Variants in PRSS23 observed in about 807,000 individuals in gnomAD.
The protein encoded by PRSS23 is serine protease 23.
PRSS23 carries 25 observed loss-of-function variants against 34.7 expected under a neutral mutation model. The ratio of observed to expected loss-of-function variants is 0.72; its 90% CI spans 0.53 to 1.01. The LOEUF is 1.01. Ranked by LOEUF, PRSS23 falls within the 50% of genes least tolerant of loss-of-function variation. PRSS23 has a pLI of 0.00. For synonymous variants in PRSS23, 176 were observed against 186.6 expected (o/e 0.94, Z 0.46); for missense variants, 445 against 475.6 (o/e 0.94, Z 0.60).
rs150675137 is a variant in PRSS23, at chr11:86,882,531, C to T, written c.206+58938C>T. 8.5e-5 allele frequency among the ~76,000 whole-genome samples: 13 copies of T among 152,226 alleles called. No homozygotes were observed. In the East Asian group the frequency reaches 2.5e-3, roughly 29 times the overall value. On this transcript the variant is annotated intron_variant, in intron 2 of 2. Coordinates refer to the PRSS23 transcript ENST00000533902. ...GCTCCATCCATGTCCCTACGAAGGGCATGATCTCGTTTTTTTAATGCCTGC... is the reference window on the plus strand; with the variant it reads ...GCTCCATCCATGTCCCTACGAAGGGTATGATCTCGTTTTTTTAATGCCTGC...
chr11:86,812,245 G>A (rs570245463), downstream of PRSS23, among the ~76,000 whole-genome samples: 2 of 152,166 alleles, frequency 1.3e-5, no homozygotes, highest in Admixed American at 6.5e-5. Flanking sequence ...AGGAACAAAG[G>A]TGGGGCTGCA....
chr11:86,945,852 T>C (rs1949238191), intron 2 of PRSS23: 1 of 152,532 alleles, frequency 6.6e-6, no homozygotes, highest in Non-Finnish European at 1.5e-5. Flanking sequence ...AGGGCATGTG[T>C]AGCAGGAAGT....
In PRSS23 at chr11:86,861,577, G is replaced by A. The variant is rs545402390; in HGVS notation, c.206+37984G>A. Among the ~76,000 whole-genome samples the A allele has an allele frequency of 4.2e-4, 63 of 151,744 alleles. 1 individual carries two copies. Among genetic ancestry groups the A allele is most frequent in the African/African-American group, 1.1e-3 (46 of 41,328 alleles). On this transcript the variant is annotated intron_variant, in intron 2 of 2. Transcript: ENST00000533902. ...ATATTACTCCCCATTTGCAGGGGGC[G>A]GACACCCTTCTGTGATATTGTTCGT... is the stretch of plus-strand genomic sequence containing the variant.
intron 2 of PRSS23, among the ~76,000 whole-genome samples, chr11:86,878,119 TC>T (rs1948737361): frequency 6.6e-6 from 1 of 152,174 alleles, no homozygotes; most frequent in Non-Finnish European, 1.5e-5. Context: ...TATTACTGCA[TC>T]CAAAACTAAA....
At chr11:86,792,451 A>G (rs183621240) in intron 1 of PRSS23, among the ~76,000 whole-genome samples, 13 of 151,868 alleles carry the variant, frequency 8.6e-5, no homozygotes, top group Admixed American at 7.9e-4. Flanking sequence ...TGTTCCCTCT[A>G]CCCTGTCTTC....
At chr11:86,891,277 T>C (rs1373495202) in intron 2 of PRSS23, among the ~76,000 whole-genome samples, 2 of 152,194 alleles carry the variant, frequency 1.3e-5, no homozygotes, top group Admixed American at 1.3e-4. Flanking sequence ...CCTAATAAGA[T>C]GGAGAGAAGC....
chr11:86,816,414 C>T (rs1054892800), intron 1 of PRSS23, among the ~76,000 whole-genome samples: 1 of 152,184 alleles, frequency 6.6e-6, no homozygotes, highest in Non-Finnish European at 1.5e-5. Flanking sequence ...CTACCCTCTC[C>T]ACAAAATATC....
intron 1 of PRSS23, among the ~76,000 whole-genome samples, chr11:86,792,963 C>T (rs1236101094): frequency 6.6e-6 from 1 of 152,228 alleles, no homozygotes; most frequent in African/African-American, 2.4e-5. Flanking sequence ...ACCTTGACCT[C>T]CCAGGCTCAA....
chr11:86,802,511 A>C (rs781435861), intron 1 of PRSS23, among the ~76,000 whole-genome samples: 1 of 152,334 alleles, frequency 6.6e-6, no homozygotes, highest in East Asian at 1.9e-4. Flanking sequence ...AGGATTTAGC[A>C]TGATTTCACC....
intron 2 of PRSS23, among the ~76,000 whole-genome samples, chr11:86,838,536 G>C (rs1162854964): frequency 6.6e-6 from 1 of 152,174 alleles, no homozygotes. Flanking sequence ...TTCACTTCTG[G>C]GGGCAGGGCA....
At chr11:86,824,977 T>G (rs1436953168) in intron 2 of PRSS23, among the ~76,000 whole-genome samples, 1 of 152,206 alleles carries the variant, frequency 6.6e-6, no homozygotes, top group Non-Finnish European at 1.5e-5. Context: ...TGATTTATAG[T>G]CCTTTGGGTA....
In PRSS23 at chr11:86,802,136, G is replaced by A. The variant is rs559551278; in HGVS notation, c.-14+1485G>A. Among the ~76,000 whole-genome samples the A allele has an allele frequency of 1.4e-3, 211 of 152,270 alleles. 3 individuals carry two copies. Among genetic ancestry groups the A allele is most frequent in the Non-Finnish European group, 1.7e-3 (114 of 68,026 alleles). ...GTAACTCTTCTCATAGATCCCTTAG[G>A]ATTTCATCCACCAGGCATTATTCAT... On this transcript the variant is annotated intron_variant, in intron 1 of 1. Transcript: ENST00000280258.
At chr11:86,925,303 T>C (rs1379642336) in intron 2 of PRSS23, among the ~76,000 whole-genome samples, 1 of 151,234 alleles carries the variant, frequency 6.6e-6, no homozygotes, top group Non-Finnish European at 1.5e-5. Context: ...GGAGTGTGTG[T>C]GTGTGTGTGT....
At chr11:86,912,948 G>A (rs1948987212) in intron 2 of PRSS23, among the ~76,000 whole-genome samples, 1 of 152,236 alleles carries the variant, frequency 6.6e-6, no homozygotes, top group African/African-American at 2.4e-5. Context: ...TAATTAACAT[G>A]GCTAAATTCA....
rs149738505 is a variant in PRSS23 at position 86,891,844 on chromosome 11, C to T, written c.207-59372C>T. On this transcript the variant is annotated intron_variant, in intron 2 of 2. Transcript: ENST00000533902. Reference sequence around the variant, plus strand: ...TCTAAGTGTTTGGTAGTTCCTCCTGCGTTCATTCTCCTTCCTGCTGCCTTG... The same window carrying T: ...TCTAAGTGTTTGGTAGTTCCTCCTGTGTTCATTCTCCTTCCTGCTGCCTTG... Among the ~76,000 whole-genome samples, 285 of 152,242 alleles carry T rather than the reference C, an allele frequency of 1.9e-3. 2 individuals carry two copies. Among genetic ancestry groups the T allele is most frequent in the African/African-American group, 6.3e-3 (261 of 41,528 alleles).
chr11:86,818,255 A>G (rs1948227509), intron 1 of PRSS23, among the ~76,000 whole-genome samples: 1 of 152,236 alleles, frequency 6.6e-6, no homozygotes, highest in Non-Finnish European at 1.5e-5. Flanking sequence ...ATTCATTTAT[A>G]CATGCTAACC....
intron 2 of PRSS23, among the ~76,000 whole-genome samples, chr11:86,917,635 A>C (rs1402888237): frequency 6.6e-6 from 1 of 152,176 alleles, no homozygotes; most frequent in East Asian, 1.9e-4. Context: ...CTAATGCTTA[A>C]AATCGGACTA....
At chr11:86,839,956 A>G (rs988737190) in intron 2 of PRSS23, among the ~76,000 whole-genome samples, 3 of 151,862 alleles carry the variant, frequency 2.0e-5, no homozygotes, top group African/African-American at 7.3e-5. Flanking sequence ...AGGAAGCACT[A>G]AACATGGAAA....
chr11:86,830,349 G>A lies in PRSS23; in HGVS notation c.206+6756G>A, dbSNP rs541300988. ...CGTTTTTTAAGCCTGTCGGAAAAGC[G>A]CAGTATTAGGGTGGGAGTGACCCGA... On this transcript the variant is annotated intron_variant, in intron 2 of 2. Coordinates refer to the PRSS23 transcript ENST00000533902. Among the ~76,000 whole-genome samples, 15 of 152,294 alleles carry A rather than the reference G, an allele frequency of 9.8e-5. No individual in the cohort carries two copies. In the South Asian group the frequency reaches 2.1e-3, roughly 21 times the overall value.
Sources: allele counts gnomAD v4.1 joint callset (sites outside exome capture counted in the v4.1 genomes callset), GRCh38; gene constraint gnomAD v4.1.1; transcripts MANE v1.5; gene names NCBI Gene and HGNC (gene_info 2026-07-23, HGNC 2026-07-21).